The following JAZF1 variants were observed in gnomAD, a reference collection of about 807,000 sequenced individuals.
JAZF1 encodes the protein juxtaposed with another zinc finger protein 1.
In JAZF1, 8 loss-of-function variants were observed where a neutral mutation model predicts 26.4. The observed-to-expected ratio is 0.30, with a 90% CI of 0.18 to 0.55. JAZF1 has a LOEUF of 0.55. JAZF1 is among the 20% of genes least tolerant of loss of function. The probability of loss-of-function intolerance (pLI) is 0.94; values close to 1 mark genes in which losing one functional copy is unlikely to be tolerated. For synonymous variants in JAZF1, 126 were observed against 122.3 expected (o/e 1.03, Z -0.20); for missense variants, 199 against 322.0 (o/e 0.62, Z 2.92).
At chr7:27,896,153 A>T (rs1257949777) in intron 2 of JAZF1, among the ~76,000 whole-genome samples, 2 of 152,216 alleles carry the variant, frequency 1.3e-5, no homozygotes, top group African/African-American at 4.8e-5. Context: ...ATTACTCATA[A>T]AGAGAAAGGT....
At chr7:27,970,458 C>CA (rs1004339807) in intron 2 of JAZF1, among the ~76,000 whole-genome samples, 2 of 152,108 alleles carry the variant, frequency 1.3e-5, no homozygotes, top group South Asian at 2.1e-4. Flanking sequence ...CAAAACAAAA[C>CA]AAAAAAACCC....
At chr7:28,011,174 C>A (rs1376660659) in intron 1 of JAZF1, among the ~76,000 whole-genome samples, 1 of 152,128 alleles carries the variant, frequency 6.6e-6, no homozygotes, top group Non-Finnish European at 1.5e-5. Context: ...GACAAGAGAC[C>A]TGCAGCGTTT....
intron 2 of JAZF1, among the ~76,000 whole-genome samples, chr7:27,901,048 AC>A (rs1784154508): frequency 6.6e-6 from 1 of 151,898 alleles, no homozygotes; most frequent in Non-Finnish European, 1.5e-5. Flanking sequence ...TTTCCTTCTA[AC>A]ATTTTTCTAC....
At chr7:28,060,439 T>C (rs1389868893) in intron 1 of JAZF1, among the ~76,000 whole-genome samples, 1 of 152,226 alleles carries the variant, frequency 6.6e-6, no homozygotes, top group Non-Finnish European at 1.5e-5. Context: ...AAATAAAGAA[T>C]TCCTTCACAA....
chr7:28,054,396 A>G (rs892953495), intron 1 of JAZF1, among the ~76,000 whole-genome samples: 4 of 152,170 alleles, frequency 2.6e-5, no homozygotes, highest in African/African-American at 9.7e-5. Flanking sequence ...CAAGGCAGTC[A>G]CCAGCACTGG....
intron 2 of JAZF1, among the ~76,000 whole-genome samples, chr7:27,904,681 C>A (rs1784220939): frequency 1.3e-5 from 2 of 152,020 alleles, no homozygotes; most frequent in African/African-American, 4.8e-5. Flanking sequence ...AACTCTGAGC[C>A]CCTTTTAACA....
intron 2 of JAZF1, among the ~76,000 whole-genome samples, chr7:27,938,479 A>T (rs1212241806): frequency 6.6e-6 from 1 of 152,202 alleles, no homozygotes. Context: ...AGGGCATATT[A>T]AACTCAGCTT....
intron 2 of JAZF1, among the ~76,000 whole-genome samples, chr7:27,949,237 C>T (rs148294416): frequency 1.8e-4 from 28 of 152,138 alleles, no homozygotes; most frequent in African/African-American, 6.0e-4. Flanking sequence ...GAAGGATTTG[C>T]GATGCAAGGC....
intron 4 of JAZF1, among the ~76,000 whole-genome samples, chr7:27,839,870 G>A (rs1335651737): frequency 6.6e-6 from 1 of 152,060 alleles, no homozygotes; most frequent in African/African-American, 2.4e-5. Flanking sequence ...TAGCCTATGA[G>A]TGAATTAGCA....
At chr7:28,138,803 G>A (rs1034684074) in intron 1 of JAZF1, among the ~76,000 whole-genome samples, 1 of 152,156 alleles carries the variant, frequency 6.6e-6, no homozygotes, top group Admixed American at 6.5e-5. Flanking sequence ...CTGGGCTCGG[G>A]CCCCAGACTT....
In JAZF1 at chr7:28,139,703, T is replaced by C. The variant is rs563789532; in HGVS notation, c.115+40760A>G. On this transcript the variant is annotated intron_variant, in intron 1 of 4. Coordinates refer to ENST00000283928, the MANE Select transcript of JAZF1 (RefSeq NM_175061.4). The stretch of plus-strand genomic sequence containing the variant: ...CACTCAGTTTATGGTACAGTTATTG[T>C]AGTCCCAGGAAACCATATATTTAGG... Among the ~76,000 whole-genome samples, 20 of 152,112 alleles carry C rather than the reference T, an allele frequency of 1.3e-4. No homozygotes were observed. In the South Asian group the frequency reaches 3.7e-3, roughly 28 times the overall value.
At chr7:28,154,499 C>T (rs1266862046) in intron 1 of JAZF1, among the ~76,000 whole-genome samples, 1 of 152,152 alleles carries the variant, frequency 6.6e-6, no homozygotes, top group Non-Finnish European at 1.5e-5. Context: ...GTGCAGGACT[C>T]AAACATTTAT....
chr7:27,976,168 C>A (rs996588283), intron 2 of JAZF1, among the ~76,000 whole-genome samples: 1 of 151,974 alleles, frequency 6.6e-6, no homozygotes, highest in Non-Finnish European at 1.5e-5. Context: ...CATGGTGAAA[C>A]CCCGTCTCTA....
chr7:28,124,449 T>G (rs959523433), intron 1 of JAZF1, among the ~76,000 whole-genome samples: 2 of 152,164 alleles, frequency 1.3e-5, no homozygotes, highest in Non-Finnish European at 2.9e-5. Flanking sequence ...TCCAAGTATC[T>G]GCTGCCCAAC....
intron 1 of JAZF1, among the ~76,000 whole-genome samples, chr7:28,112,923 G>A (rs922454875): frequency 6.6e-6 from 1 of 152,128 alleles, no homozygotes; most frequent in Non-Finnish European, 1.5e-5. Flanking sequence ...AAAGAATGAC[G>A]AGGATCTCAA....
chr7:28,078,136 C>T (rs1441100418), intron 1 of JAZF1, among the ~76,000 whole-genome samples: 1 of 152,120 alleles, frequency 6.6e-6, no homozygotes, highest in Non-Finnish European at 1.5e-5. Flanking sequence ...ACAGATGTTT[C>T]CTAGGTTTGT....
At chr7:28,161,398 A>C in intron 1 of JAZF1, among the ~76,000 whole-genome samples, 1 of 152,098 alleles carries the variant, frequency 6.6e-6, no homozygotes, top group East Asian at 1.9e-4. Context: ...CACACATTTT[A>C]TTCCCCAAGA....
At chr7:28,111,885 T>C (rs1046489980) in intron 1 of JAZF1, among the ~76,000 whole-genome samples, 3 of 152,190 alleles carry the variant, frequency 2.0e-5, no homozygotes, top group Non-Finnish European at 4.4e-5. Flanking sequence ...ACAACCATAT[T>C]TCTGCAAGCA....
At chr7:28,127,743 C>A (rs1004015742) in intron 1 of JAZF1, among the ~76,000 whole-genome samples, 1 of 152,102 alleles carries the variant, frequency 6.6e-6, no homozygotes, top group East Asian at 1.9e-4. Flanking sequence ...AGGAAACTTA[C>A]AATCATGGCA....
Sources: gnomAD v4.1 joint callset for allele counts (sites outside exome capture counted in the v4.1 genomes callset) on GRCh38, gnomAD v4.1.1 for gene constraint, MANE v1.5 for transcripts, NCBI Gene and HGNC (gene_info 2026-07-23, HGNC 2026-07-21) for gene names.